Variants in SLIT2 observed in about 807,000 individuals in gnomAD.
SLIT2 encodes slit guidance ligand 2, also known as slit homolog 2 protein.
SLIT2 carries 41 observed loss-of-function variants against 185.7 expected under a neutral mutation model. The ratio of observed to expected loss-of-function variants is 0.22; its 90% CI spans 0.17 to 0.29. The LOEUF is 0.29. Ranked by LOEUF, SLIT2 falls within the 10% of genes least tolerant of loss-of-function variation. The pLI, the probability that SLIT2 is intolerant of heterozygous loss-of-function variation, is 1.00. For synonymous variants in SLIT2, 693 were observed against 680.2 expected (o/e 1.02, Z -0.29); for missense variants, 1,571 against 1,909.0 (o/e 0.82, Z 3.30).
chr4:20,415,085 G>T (rs1262605985), intron 4 of SLIT2, among the ~76,000 whole-genome samples: 1 of 152,144 alleles, frequency 6.6e-6, no homozygotes, highest in Non-Finnish European at 1.5e-5. Flanking sequence ...GTGTGCAGTG[G>T]AAGAAGGAAA....
chr4:20,353,293 A>C (rs1474205277), intron 4 of SLIT2, among the ~76,000 whole-genome samples: 1 of 152,186 alleles, frequency 6.6e-6, no homozygotes, highest in African/African-American at 2.4e-5. Flanking sequence ...GCTTTACTTT[A>C]AAGCATGATG....
intron 4 of SLIT2, among the ~76,000 whole-genome samples, chr4:20,354,906 T>TGA (rs35761202): frequency 3.9e-3 from 299 of 77,082 alleles, no homozygotes; most frequent in South Asian, 0.012. Flanking sequence ...TGTGTGTGTG[T>TGA]GAGAGAGAGA....
intron 15 of SLIT2, among the ~76,000 whole-genome samples, chr4:20,527,528 G>T (rs1042704637): frequency 2.0e-5 from 3 of 152,054 alleles, no homozygotes; most frequent in Non-Finnish European, 2.9e-5. Context: ...CTTGTGATCC[G>T]CCCGCCTTGG....
chr4:20,463,447 TGATATATATATA>T (rs2148733680), intron 4 of SLIT2, among the ~76,000 whole-genome samples: 1 of 58,394 alleles, frequency 1.7e-5, no homozygotes, highest in African/African-American at 7.0e-5. Context: ...CCTCAAACTG[TGATATATATATA>T]TATATATATA....
At chr4:20,539,128 A>G (rs1722576493) in intron 18 of SLIT2, among the ~76,000 whole-genome samples, 1 of 152,210 alleles carries the variant, frequency 6.6e-6, no homozygotes, top group African/African-American at 2.4e-5. Flanking sequence ...TAGGTGAATT[A>G]GGACATTATG....
intron 5 of SLIT2, among the ~76,000 whole-genome samples, chr4:20,472,421 T>TCTATATATATATCTATATATATAGAG: frequency 1.1e-5 from 1 of 87,640 alleles, no homozygotes; most frequent in Non-Finnish European, 2.1e-5. Flanking sequence ...TATATCTATA[T>TCTATATATATATCTATATATATAGAG]ATATAGATAT....
At chr4:20,613,892 A>T (rs950327905) in intron 34 of SLIT2, among the ~76,000 whole-genome samples, 2 of 152,000 alleles carry the variant, frequency 1.3e-5, no homozygotes, top group South Asian at 4.1e-4. Context: ...TTTTTCTGAG[A>T]TGGAGTTTCG....
At chr4:20,472,281 T>G (rs1228974631) in intron 5 of SLIT2, among the ~76,000 whole-genome samples, 14 of 27,866 alleles carry the variant, frequency 5.0e-4, no homozygotes, top group African/African-American at 2.7e-3. Context: ...TATATCTATA[T>G]ATATAGATAT....
At chr4:20,476,403 A>G (rs1490728394) in intron 5 of SLIT2, among the ~76,000 whole-genome samples, 1 of 152,098 alleles carries the variant, frequency 6.6e-6, no homozygotes, top group Non-Finnish European at 1.5e-5. Context: ...AGTCAACTAA[A>G]TTTTTGGAGT....
chr4:20,290,915 A>G (rs952362626), intron 4 of SLIT2, among the ~76,000 whole-genome samples: 2 of 152,060 alleles, frequency 1.3e-5, no homozygotes, highest in African/African-American at 4.8e-5. Flanking sequence ...TTAAATTATT[A>G]TGCCCATTTC....
At chr4:20,396,809 A>G (rs892112717) in intron 4 of SLIT2, among the ~76,000 whole-genome samples, 1 of 148,444 alleles carries the variant, frequency 6.7e-6, no homozygotes, top group Non-Finnish European at 1.5e-5. Context: ...ATATATGAGA[A>G]CATATTTCAT....
At chr4:20,614,929 TTACTC>T (rs1244410467) in intron 34 of SLIT2, 1 of 152,174 alleles carries the variant, frequency 6.6e-6, no homozygotes, top group African/African-American at 2.4e-5. Context: ...CATTTACAAA[TTACTC>T]TAGTCAAAGC....
At chr4:20,324,143 C>T (rs151043787) in intron 4 of SLIT2, among the ~76,000 whole-genome samples, 9 of 152,248 alleles carry the variant, frequency 5.9e-5, no homozygotes, top group African/African-American at 9.6e-5. Context: ...CATCACAGCA[C>T]GAGCAAACCA....
In SLIT2 at chr4:20,527,564, C is replaced by T. The variant is rs548092309; in HGVS notation, c.1463-1385C>T. Reference sequence around the variant, plus strand: ...CCTCCCGAAGTGCTAGTATTACAGGCGTGAGCCACCACACCCGGCCTTGAG... The same window carrying T: ...CCTCCCGAAGTGCTAGTATTACAGGTGTGAGCCACCACACCCGGCCTTGAG... On this transcript the variant is annotated intron_variant, in intron 15 of 36. Transcript: ENST00000504154. Among the ~76,000 whole-genome samples the T allele has an allele frequency of 7.2e-5, 11 of 152,226 alleles. No homozygotes were observed. In the South Asian group the frequency reaches 2.1e-3, roughly 29 times the overall value.
rs78260586 is a variant in SLIT2 at position 20,593,998 on chromosome 4, A to G, written c.3183-1699A>G. ...TGTATATACACATGTACATACATATACACACACATACATATGTATGTGTGT... is the reference window on the plus strand; with the variant it reads ...TGTATATACACATGTACATACATATGCACACACATACATATGTATGTGTGT... On this transcript the variant is annotated intron_variant, in intron 30 of 36. Transcript: ENST00000504154. Among the ~76,000 whole-genome samples, 1,127 of 149,542 alleles carry G rather than the reference A, an allele frequency of 7.5e-3. 32 individuals carry two copies. The highest frequency in any genetic ancestry group is 0.052 in the East Asian group (260 of 5,032).
intron 9 of SLIT2, among the ~76,000 whole-genome samples, chr4:20,505,672 A>G (rs1167562533): frequency 6.6e-6 from 1 of 152,124 alleles, no homozygotes; most frequent in Admixed American, 6.5e-5. Context: ...AGAGCCCATC[A>G]GTCCACAAGT....
At chr4:20,463,491 A>ATATATATATATATGTG (rs1491274435) in intron 4 of SLIT2, among the ~76,000 whole-genome samples, 1 of 96,224 alleles carries the variant, frequency 1.0e-5, no homozygotes, top group Non-Finnish European at 2.0e-5. Flanking sequence ...ATATATATAT[A>ATATATATATATATGTG]TGTGTGTGTG....
intron 29 of SLIT2, among the ~76,000 whole-genome samples, chr4:20,586,021 C>T (rs1349619509): frequency 2.0e-5 from 3 of 152,170 alleles, no homozygotes; most frequent in African/African-American, 7.2e-5. Flanking sequence ...TTTTAGCTGT[C>T]TAATTTCCTC....
intron 4 of SLIT2, among the ~76,000 whole-genome samples, chr4:20,269,712 GC>G (rs1713401896): frequency 6.6e-6 from 1 of 151,812 alleles, no homozygotes; most frequent in African/African-American, 2.4e-5. Flanking sequence ...TGCTCCATTA[GC>G]CCCCACCTGG....
Sources: allele counts gnomAD v4.1 joint callset (sites outside exome capture counted in the v4.1 genomes callset), GRCh38; gene constraint gnomAD v4.1.1; transcripts MANE v1.5; gene names NCBI Gene and HGNC (gene_info 2026-07-23, HGNC 2026-07-21).